ABCA8: variants seen among roughly 807,000 people sequenced by gnomAD.
The protein encoded by ABCA8 is ABC-type organic anion transporter ABCA8.
Under a neutral mutation model 192.3 loss-of-function variants are expected in ABCA8, and 177 were observed. The observed-to-expected ratio is 0.92, with a 90% CI of 0.81 to 1.04. The LOEUF (loss-of-function observed/expected upper bound fraction) is 1.04. Ranked by LOEUF, ABCA8 falls within the 50% of genes least tolerant of loss-of-function variation. The probability of loss-of-function intolerance (pLI) is 0.00; values close to 1 mark genes in which losing one functional copy is unlikely to be tolerated. For missense variants in ABCA8, 1,915 were observed against 1,904.8 expected (o/e 1.01, Z -0.10); for synonymous variants, 642 against 690.2 (o/e 0.93, Z 1.09).
intron 24 of ABCA8, among the ~76,000 whole-genome samples, chr17:68,887,724 A>T (rs1239183473): frequency 6.6e-6 from 1 of 151,650 alleles, no homozygotes; most frequent in Non-Finnish European, 1.5e-5. Flanking sequence ...GAAATATGTA[A>T]AAGAAGACCT....
At chr17:68,910,189 T>C (rs1052338779) in intron 17 of ABCA8, among the ~76,000 whole-genome samples, 3 of 152,186 alleles carry the variant, frequency 2.0e-5, no homozygotes, top group African/African-American at 4.8e-5. Flanking sequence ...TGAGCAATGA[T>C]AGTGGTTTTA....
rs1419084942 is a variant in ABCA8, at chr17:68,921,497, G to C, written c.1502-5C>G. 6.4e-7 allele frequency: 1 copy of C among 1,571,316 alleles called. No individual in the cohort carries two copies. The highest frequency in any genetic ancestry group is 1.7e-5 in the Admixed American group (1 of 57,720). ...CGTAAATGTCAAATACCAGATCTAGGAAGAAAAAAAGAAAGGAAAGAAAGA... is the reference window on the plus strand; with the variant it reads ...CGTAAATGTCAAATACCAGATCTAGCAAGAAAAAAAGAAAGGAAAGAAAGA... On this transcript the variant is annotated splice_region_variant and splice_polypyrimidine_tract_variant and intron_variant, in intron 12 of 39. Transcript: ENST00000586539.
chr17:68,934,055 A>G (rs10438702), intron 5 of ABCA8, among the ~76,000 whole-genome samples: 3,016 of 152,220 alleles, frequency 0.02, 107 homozygotes, highest in African/African-American at 0.067. Context: ...CGTTATGTAT[A>G]TATATATGCC....
At chr17:68,893,723 T>C (rs1262403739) in intron 23 of ABCA8, among the ~76,000 whole-genome samples, 1 of 144,692 alleles carries the variant, frequency 6.9e-6, no homozygotes, top group Non-Finnish European at 1.5e-5. Context: ...CATATTCTCT[T>C]TTTTTTTTTT....
intron 2 of ABCA8, among the ~76,000 whole-genome samples, chr17:68,943,087 T>C (rs1248679665): frequency 1.3e-5 from 2 of 152,140 alleles, no homozygotes; most frequent in Non-Finnish European, 2.9e-5. Flanking sequence ...TACTAATTTG[T>C]TGTGGGATGA....
intron 11 of ABCA8, among the ~76,000 whole-genome samples, chr17:68,923,590 A>G (rs2067607157): frequency 6.6e-6 from 1 of 152,228 alleles, no homozygotes; most frequent in South Asian, 2.1e-4. Flanking sequence ...AAGCGATCAA[A>G]GAGGAACAAA....
At position 68,885,200 on chromosome 17, in the gene ABCA8, GAAGAT is replaced by G. The variant is rs1567827382; in HGVS notation, c.3540_3544del (p.Leu1180PhefsTer11). 12 of 1,612,468 alleles carry G rather than the reference GAAGAT, an allele frequency of 7.4e-6. No individual in the cohort carries two copies. Among genetic ancestry groups the G allele is most frequent in the Non-Finnish European group, 1.0e-5 (12 of 1,179,340 alleles). On this transcript the variant is annotated frameshift_variant, in exon 27 of 40. Transcript: ENST00000586539. LOFTEE classifies it high-confidence loss of function. ...ACAGACTGTGTCATTACTTACATGA[GAAGAT>G]AAGAACAAACAGCCAATCATTGTGG...
intron 10 of ABCA8, among the ~76,000 whole-genome samples, chr17:68,926,794 T>C (rs1398357112): frequency 6.6e-6 from 1 of 152,172 alleles, no homozygotes; most frequent in African/African-American, 2.4e-5. Flanking sequence ...CAGGATGAAT[T>C]TCCTGCCTCA....
chr17:68,937,182 T>C lies in ABCA8; in HGVS notation c.302-67A>G, dbSNP rs570060140. On this transcript the variant is annotated intron_variant, in intron 4 of 39. Coordinates refer to ENST00000586539, the MANE Select transcript of ABCA8 (RefSeq NM_001288985.2). ...GGAGACACAACTTCAGGATGTCATG[T>C]TGAATTGCTTTTACTAGAGTTTTCT... The C allele has an allele frequency of 2.2e-3, 2,850 of 1,325,516 alleles. 14 individuals are homozygous for C. Among genetic ancestry groups the C allele is most frequent in the Middle Eastern group, 0.018 (68 of 3,842 alleles). 82.1% of individuals were successfully genotyped at this position (1,325,516 alleles called of 1,614,324 possible).
intron 21 of ABCA8, among the ~76,000 whole-genome samples, chr17:68,898,422 C>CA (rs1391432901): frequency 6.6e-6 from 1 of 151,874 alleles, no homozygotes; most frequent in Non-Finnish European, 1.5e-5. Flanking sequence ...CCAAGATAAA[C>CA]AAAAATGAAG....
At chr17:68,873,733 A>C (rs1296197889) in intron 37 of ABCA8, among the ~76,000 whole-genome samples, 1 of 152,150 alleles carries the variant, frequency 6.6e-6, no homozygotes, top group Non-Finnish European at 1.5e-5. Context: ...TGTGTATGGC[A>C]TAAGATGGGG....
chr17:68,919,072 C>T (rs575601257), intron 14 of ABCA8, among the ~76,000 whole-genome samples: 3 of 152,152 alleles, frequency 2.0e-5, no homozygotes, highest in East Asian at 1.9e-4. Context: ...ATAATAGCAC[C>T]TATCTCATAG....
At chr17:68,935,915 T>A (rs1455088760) in intron 5 of ABCA8, among the ~76,000 whole-genome samples, 4 of 152,144 alleles carry the variant, frequency 2.6e-5, no homozygotes, top group Non-Finnish European at 4.4e-5. Context: ...TATCTCCTGG[T>A]TTTAATTTGC....
At chr17:68,922,152 G>A in intron 12 of ABCA8, 90 bp downstream of exon 12, 1 of 834,970 alleles carries the variant, frequency 1.2e-6, no homozygotes, top group Non-Finnish European at 1.6e-6. Flanking sequence ...ATTAAAATCA[G>A]GAAATCAATA....
chr17:68,895,700 C>A (rs1049307105), intron 21 of ABCA8, among the ~76,000 whole-genome samples: 11 of 152,160 alleles, frequency 7.2e-5, no homozygotes, highest in African/African-American at 2.7e-4. Flanking sequence ...ATTCCCCAAG[C>A]CCAGTTCAGG....
At position 68,881,191 on chromosome 17, in the gene ABCA8, C is replaced by T; in HGVS notation, c.3967G>A (p.Gly1323Arg). ...VRKGEVLGLL[G>R]HNGAGKSTSI... ...GTGCTTTTACCAGCTCCATTGTGTC[C>T]TAATAATCCTAAAACTTCACCTGAA... is the stretch of plus-strand genomic sequence containing the variant. The change falls in exon 32 of 40, where the codon GGA becomes AGA. Residue 1323 changes from glycine (G) to arginine (R), a missense_variant. Physicochemically the swap from Gly to Arg is moderately radical, Grantham distance 125 (BLOSUM62 -2). Transcript: ENST00000586539. The T allele has an allele frequency of 6.2e-7, 1 of 1,613,368 alleles. No individual in the cohort carries two copies. The highest frequency in any genetic ancestry group is 1.7e-5 in the Admixed American group (1 of 60,000).
At chr17:68,898,096 G>A (rs1479519279) in intron 21 of ABCA8, among the ~76,000 whole-genome samples, 1 of 152,150 alleles carries the variant, frequency 6.6e-6, no homozygotes, top group Non-Finnish European at 1.5e-5. Flanking sequence ...TTTCCTTGGT[G>A]ATGTGTAAGG....
rs530154281 is a variant in ABCA8 at position 68,894,236 on chromosome 17, A to G, written c.2973T>C (p.Asn991=). 1.2e-6 allele frequency: 2 copies of G among 1,613,326 alleles called. No individual in the cohort carries two copies. The highest frequency in any genetic ancestry group is 1.1e-5 in the South Asian group (1 of 91,040). The change falls in exon 23 of 40, where the codon AAT becomes AAC. Residue 991 remains asparagine (N), a synonymous_variant. Coordinates refer to ENST00000586539, the MANE Select transcript of ABCA8 (RefSeq NM_001288985.2). ...CFPVLMDIVS[N]GLLGMVKPSV... is the part of the protein sequence containing the mutation. ...ATGGTTTAACCATTCCAAGTAGCCC[A>G]TTACTAACAATGTCCATAAGAACTG...
rs371505100 is a variant in ABCA8 at position 68,877,661 on chromosome 17, C to G, written c.4057G>C (p.Gly1353Arg). The G allele has an allele frequency of 1.2e-6, 2 of 1,611,752 alleles. No individual in the cohort carries two copies. The highest frequency in any genetic ancestry group is 1.7e-6 in the Non-Finnish European group (2 of 1,178,706). Reference sequence around the variant, plus strand: ...AGGAACTCCAGGGCATCCCCTCCACCGCTCCCTTTCAGTAGCACCTGCAGA... The same window carrying G: ...AGGAACTCCAGGGCATCCCCTCCACGGCTCCCTTTCAGTAGCACCTGCAGA... ...TAGQVLLKGS[G>R]GGDALEFLGY... Residue 1353 changes from glycine to arginine, a missense_variant, in exon 33 of 40, where the codon GGT becomes CGT. By Grantham distance (125) the Gly-to-Arg change is moderately radical. Coordinates refer to ENST00000586539, the MANE Select transcript of ABCA8 (RefSeq NM_001288985.2).
Sources: allele counts gnomAD v4.1 joint callset (sites outside exome capture counted in the v4.1 genomes callset), GRCh38; gene constraint gnomAD v4.1.1; transcripts MANE v1.5; gene names NCBI Gene and HGNC (gene_info 2026-07-23, HGNC 2026-07-21).